Variants in CFAP47 observed in about 807,000 individuals in gnomAD.
CFAP47 encodes cilia- and flagella-associated protein 47.
A neutral mutation model predicts 148.1 loss-of-function variants in CFAP47; 29 were observed. The observed-to-expected ratio is 0.20, with a 90% CI of 0.15 to 0.27. The LOEUF (loss-of-function observed/expected upper bound fraction) is 0.27, where lower values mean the gene tolerates loss of function less well. Ranked by LOEUF, CFAP47 falls within the 10% of genes least tolerant of loss-of-function variation. The pLI is 1.00. For synonymous variants in CFAP47, 664 were observed against 577.3 expected (o/e 1.15, Z -2.15); for missense variants, 1,872 against 1,697.5 (o/e 1.10, Z -1.81).
At chrX:36,037,345 T>TTGC (rs761352172) in intron 24 of CFAP47, among the ~76,000 whole-genome samples, 25 of 101,757 alleles carry the variant, frequency 2.5e-4, no homozygotes, top group African/African-American at 1.1e-3. Context: ...CTCTTTGTTG[T>TTGC]TGTTGTTGTT....
chrX:36,367,970 G>A (rs1941895038), intron 62 of CFAP47: 1 of 111,951 alleles, frequency 8.9e-6, no homozygotes, highest in Admixed American at 9.5e-5. Flanking sequence ...TGAAATGGTT[G>A]TTTGTAACAG....
At chrX:35,987,939 C>G (rs1187168088) in intron 15 of CFAP47, among the ~76,000 whole-genome samples, 1 of 111,208 alleles carries the variant, frequency 9.0e-6, no homozygotes, top group Non-Finnish European at 1.9e-5. Flanking sequence ...GGGCTGCACC[C>G]ACTGTCTAAC....
intron 45 of CFAP47, among the ~76,000 whole-genome samples, chrX:36,214,229 T>C (rs1170397499): frequency 7.2e-5 from 8 of 111,536 alleles, no homozygotes; most frequent in Non-Finnish European, 1.5e-4. Flanking sequence ...GCTAAACATA[T>C]CTAAACCTAG....
At chrX:36,332,510 G>A (rs183330626) in intron 57 of CFAP47, among the ~76,000 whole-genome samples, 6 of 111,358 alleles carry the variant, frequency 5.4e-5, no homozygotes, top group Non-Finnish European at 9.4e-5. Context: ...GGAAAATGAT[G>A]AATGCATTCT....
chrX:36,342,897 C>T (rs1941665659), intron 57 of CFAP47, among the ~76,000 whole-genome samples: 1 of 110,997 alleles, frequency 9.0e-6, no homozygotes, highest in African/African-American at 3.3e-5. Context: ...CTGCACCTAT[C>T]AACTGTCATC....
At chrX:35,933,751 G>A (rs1935867206) in intron 2 of CFAP47, among the ~76,000 whole-genome samples, 1 of 111,584 alleles carries the variant, frequency 9.0e-6, no homozygotes, top group African/African-American at 3.3e-5. Context: ...CCTAACCTTT[G>A]GATAAAAGAC....
intron 49 of CFAP47, among the ~76,000 whole-genome samples, chrX:36,268,198 G>GA (rs1940917966): frequency 8.8e-6 from 1 of 113,601 alleles, no homozygotes; most frequent in African/African-American, 3.2e-5. Flanking sequence ...ACAGCTGCAG[G>GA]TGTCCAGTCA....
chrX:35,935,329 A>G (rs7056163), intron 2 of CFAP47, among the ~76,000 whole-genome samples: 20,803 of 110,645 alleles, frequency 0.19, 1,599 homozygotes, highest in African/African-American at 0.28. Context: ...CCCCTGTTTT[A>G]CTTTCTGCTG....
chrX:36,007,839 T>C (rs2066309104), intron 21 of CFAP47, among the ~76,000 whole-genome samples: 1 of 111,872 alleles, frequency 8.9e-6, no homozygotes, highest in South Asian at 3.7e-4. Context: ...CACACAGTTT[T>C]AGAAAAATTG....
Position 36,137,108 on chromosome X carries a change from C to T in CFAP47, c.5321-850C>T, listed in dbSNP as rs751667059. Among the ~76,000 whole-genome samples, 36 of 110,861 alleles carry T rather than the reference C, an allele frequency of 3.2e-4. No individual in the cohort carries two copies. In the South Asian group the frequency reaches 0.013, roughly 41 times the overall value. ...GTGTAAAGCAATCCCGGTTTTGAAGCTAATATACATGTCATGGGTGTATCA... is the reference window on the plus strand; with the variant it reads ...GTGTAAAGCAATCCCGGTTTTGAAGTTAATATACATGTCATGGGTGTATCA... On this transcript the variant is annotated intron_variant, in intron 33 of 63. Transcript: ENST00000378653.
chrX:36,036,384 A>T lies in CFAP47; in HGVS notation c.3811+530A>T, dbSNP rs1188537230. Among the ~76,000 whole-genome samples the T allele has an allele frequency of 6.5e-5, 7 of 107,256 alleles. No homozygotes were observed. The Admixed American group carries it at 7.0e-4, about 11-fold the overall frequency. The allele number at this position is 107,256 out of a possible 115,157, so 93.1% of individuals were successfully genotyped here. A position where few individuals can be genotyped will look rare whatever the true frequency, so the allele number is the denominator to read the frequency against. On this transcript the variant is annotated intron_variant, in intron 24 of 63. Transcript: ENST00000378653. ...ATTTTTTTTTTTTGGAAAGGGCAGG[A>T]TTTTCTTCTTTTGTATGAACGAATA...
chrX:36,123,683 G>A (rs73472820), intron 33 of CFAP47, among the ~76,000 whole-genome samples: 4,221 of 110,540 alleles, frequency 0.038, 210 homozygotes, highest in African/African-American at 0.13. Flanking sequence ...CTTCAGAACT[G>A]TGGGTGCCCT....
Position 35,925,997 on chromosome X carries a change from C to T in CFAP47, c.250-20C>T, listed in dbSNP as rs1386865702. The T allele has an allele frequency of 8.6e-7, 1 of 1,168,948 alleles. No homozygotes were observed. The highest frequency in any genetic ancestry group is 2.0e-5 in the South Asian group (1 of 51,007). On this transcript the variant is annotated intron_variant, in intron 1 of 63. Transcript: ENST00000378653. ...TAAGGAGTTAAAATGTATAATTTGA[C>T]TCTCTTTCTCCCACTGAAGTTCAAA...
intron 48 of CFAP47, among the ~76,000 whole-genome samples, chrX:36,238,358 A>G (rs1188300476): frequency 8.9e-6 from 1 of 112,590 alleles, no homozygotes; most frequent in Non-Finnish European, 1.9e-5. Flanking sequence ...CCCCAGCCAC[A>G]TGGAGCTGTG....
chrX:36,281,636 A>T (rs1326509989), intron 50 of CFAP47, among the ~76,000 whole-genome samples: 1 of 112,632 alleles, frequency 8.9e-6, no homozygotes, highest in African/African-American at 3.2e-5. Flanking sequence ...TGCTTTACTC[A>T]AATTATACTA....
chrX:35,949,695 G>A (rs1311808609), intron 4 of CFAP47, among the ~76,000 whole-genome samples: 1 of 111,997 alleles, frequency 8.9e-6, no homozygotes, highest in Non-Finnish European at 1.9e-5. Context: ...TGTACAAGTT[G>A]AATGTTCCTT....
chrX:36,340,025 G>A (rs1473760176), intron 57 of CFAP47, among the ~76,000 whole-genome samples: 1 of 111,565 alleles, frequency 9.0e-6, no homozygotes, highest in Non-Finnish European at 1.9e-5. Context: ...TGTCTTCTTC[G>A]GATAACCTTC....
intron 22 of CFAP47, among the ~76,000 whole-genome samples, chrX:36,020,045 A>G (rs1038312912): frequency 9.0e-6 from 1 of 111,680 alleles, no homozygotes; most frequent in Non-Finnish European, 1.9e-5. Flanking sequence ...CTTTTCTGAT[A>G]TAGACACTTA....
chrX:35,949,140 AGTGTGTGTGT>A lies in CFAP47; in HGVS notation c.656+713_656+722del, dbSNP rs201452327. On this transcript the variant is annotated intron_variant, in intron 4 of 63. Transcript: ENST00000378653. The stretch of plus-strand genomic sequence containing the variant: ...TAAAAATATCAGAATGCATCTGTGG[AGTGTGTGTGT>A]GTGTGTGTGTGTGTGTGTGTGTGTT... Among the ~76,000 whole-genome samples, 7 of 86,972 alleles carry A rather than the reference AGTGTGTGTGT, an allele frequency of 8.0e-5. No homozygotes were observed. In the South Asian group the frequency reaches 2.3e-3, roughly 29 times the overall value. The allele number at this position is 86,972 out of a possible 115,157, so 75.5% of individuals were successfully genotyped here. A position where few individuals can be genotyped will look rare whatever the true frequency, so the allele number is the denominator to read the frequency against.
Sources: allele counts gnomAD v4.1 joint callset (sites outside exome capture counted in the v4.1 genomes callset), GRCh38; gene constraint gnomAD v4.1.1; transcripts MANE v1.5; gene names NCBI Gene and HGNC (gene_info 2026-07-23, HGNC 2026-07-21).